Variants in TPTE2 observed in about 807,000 individuals in gnomAD.
The protein encoded by TPTE2 is phosphatidylinositol 3,4,5-trisphosphate 3-phosphatase TPTE2.
TPTE2 carries 53 observed loss-of-function variants against 78.6 expected under a neutral mutation model. That is an observed-to-expected ratio of 0.67 (90% CI 0.54 to 0.85). TPTE2 has a LOEUF of 0.85. Among genes scored for constraint, TPTE2 ranks in the 40% least tolerant of loss-of-function variants. The pLI is 0.00. For missense variants in TPTE2, 461 were observed against 623.0 expected, an observed-to-expected ratio of 0.74 and a Z score of 2.77; for synonymous variants, 175 against 206.2, an observed-to-expected ratio of 0.85 and a Z score of 1.30.
At chr13:19,493,206 A>G (rs898230084) in intron 2 of TPTE2, among the ~76,000 whole-genome samples, 2 of 151,764 alleles carry the variant, frequency 1.3e-5, no homozygotes, top group Non-Finnish European at 2.9e-5. Flanking sequence ...CTCTATGGCC[A>G]TGCAGGCTCC....
the TPTE2 span, among the ~76,000 whole-genome samples, chr13:19,543,382 A>T: frequency 1.3e-5 from 1 of 79,094 alleles, no homozygotes; most frequent in Admixed American, 1.6e-4. Context: ...CTTAAGAGAG[A>T]GAGTTTCACT....
At chr13:19,532,390 C>A (rs1870941563) in intron 1 of TPTE2, among the ~76,000 whole-genome samples, 1 of 152,086 alleles carries the variant, frequency 6.6e-6, no homozygotes, top group Admixed American at 6.5e-5. Context: ...GTTCATCCCT[C>A]TTTTTCTTCT....
At chr13:19,443,397 C>CTTTTTTTTTT (rs71092357) in intron 13 of TPTE2, among the ~76,000 whole-genome samples, 1 of 129,908 alleles carries the variant, frequency 7.7e-6, no homozygotes, top group African/African-American at 2.7e-5. Flanking sequence ...TTCTTTCTTT[C>CTTTTTTTTTT]TTTTTTTTTT....
chr13:19,518,603 G>A (rs1320292212), intron 1 of TPTE2, among the ~76,000 whole-genome samples: 1 of 152,180 alleles, frequency 6.6e-6, no homozygotes, highest in South Asian at 2.1e-4. Flanking sequence ...AAGATGGCAT[G>A]TTGACAAAGA....
intron 3 of TPTE2, among the ~76,000 whole-genome samples, chr13:19,489,321 C>T (rs759032490): frequency 3.9e-5 from 6 of 151,958 alleles, no homozygotes; most frequent in Non-Finnish European, 7.4e-5. Context: ...TGCAGGGTTG[C>T]TACAAACCTT....
At chr13:19,528,506 A>G (rs1203916915) in intron 1 of TPTE2, among the ~76,000 whole-genome samples, 1 of 152,002 alleles carries the variant, frequency 6.6e-6, no homozygotes, top group Non-Finnish European at 1.5e-5. Flanking sequence ...TTTTTATTTT[A>G]TTTATAAGAA....
chr13:19,485,638 C>T (rs1401598247), intron 3 of TPTE2, among the ~76,000 whole-genome samples: 1 of 152,120 alleles, frequency 6.6e-6, no homozygotes, highest in African/African-American at 2.4e-5. Flanking sequence ...ATTTTCTCTT[C>T]ACTTTTCCTT....
chr13:19,546,850 G>T, the TPTE2 span, among the ~76,000 whole-genome samples: 3 of 151,886 alleles, frequency 2.0e-5, no homozygotes, highest in African/African-American at 7.3e-5. Flanking sequence ...TGGAGAGGTT[G>T]TAAGATAATA....
At chr13:19,548,071 G>C in the TPTE2 span, among the ~76,000 whole-genome samples, 1 of 152,050 alleles carries the variant, frequency 6.6e-6, no homozygotes, top group Non-Finnish European at 1.5e-5. Flanking sequence ...AATCAAATAA[G>C]GTGACAGGTT....
At chr13:19,445,294 A>G (rs2137517080) in intron 13 of TPTE2, among the ~76,000 whole-genome samples, 1 of 152,328 alleles carries the variant, frequency 6.6e-6, no homozygotes, top group African/African-American at 2.4e-5. Flanking sequence ...GGTTAAGAAA[A>G]TAAAAAAGTT....
the TPTE2 span, among the ~76,000 whole-genome samples, chr13:19,555,741 C>T: frequency 1.3e-4 from 19 of 148,990 alleles, no homozygotes; most frequent in Non-Finnish European, 2.5e-4. Context: ...TCAAGAATCT[C>T]AAGAATCTTC....
intron 14 of TPTE2, 110 bp from the exon 18 acceptor site, chr13:19,436,416 T>A (rs1301236952): frequency 5.7e-6 from 6 of 1,059,596 alleles, no homozygotes; most frequent in Non-Finnish European, 6.7e-6. Flanking sequence ...TCAGTGATTT[T>A]GTTTGTTTGT....
chr13:19,528,935 A>G (rs1870693253), intron 1 of TPTE2, among the ~76,000 whole-genome samples: 1 of 152,068 alleles, frequency 6.6e-6, no homozygotes, highest in African/African-American at 2.4e-5. Flanking sequence ...GCCTGGAAAC[A>G]TGGCAAAACC....
intron 1 of TPTE2, among the ~76,000 whole-genome samples, chr13:19,529,573 T>A (rs1007283363): frequency 6.6e-6 from 1 of 152,118 alleles, no homozygotes; most frequent in African/African-American, 2.4e-5. Context: ...CATTTCAAAC[T>A]CCTTTCCCAT....
At chr13:19,561,135 C>A in the TPTE2 span, 1 of 1,604,056 alleles carries the variant, frequency 6.2e-7, no homozygotes, top group Admixed American at 1.7e-5. Context: ...TGGGTGGGAG[C>A]TGGACCAGGG....
chr13:19,533,058 GTGTTATA>G (rs1870982958), intron 1 of TPTE2, among the ~76,000 whole-genome samples: 1 of 152,148 alleles, frequency 6.6e-6, no homozygotes, highest in Non-Finnish European at 1.5e-5. Flanking sequence ...TAATGAATGA[GTGTTATA>G]TGTGAAAACA....
chr13:19,560,895 C>G, the TPTE2 span: 1 of 1,580,494 alleles, frequency 6.3e-7, no homozygotes, highest in Non-Finnish European at 8.6e-7. Flanking sequence ...TTGGTGATCT[C>G]ACACTCGTTG....
At chr13:19,461,965 ACT>A (rs1175381214) in intron 10 of TPTE2, among the ~76,000 whole-genome samples, 1 of 143,160 alleles carries the variant, frequency 7.0e-6, no homozygotes, top group East Asian at 2.0e-4. Flanking sequence ...TTGGCAGCCA[ACT>A]CTATATCTTT....
chr13:19,528,621 A>G (rs908741975), intron 1 of TPTE2, among the ~76,000 whole-genome samples: 2 of 152,248 alleles, frequency 1.3e-5, no homozygotes, highest in African/African-American at 4.8e-5. Flanking sequence ...GTAAGTAGGT[A>G]GAGCAGGAAT....
Sources: gnomAD v4.1 joint callset for allele counts (sites outside exome capture counted in the v4.1 genomes callset) on GRCh38, gnomAD v4.1.1 for gene constraint, MANE v1.5 for transcripts, NCBI Gene and HGNC (gene_info 2026-07-23, HGNC 2026-07-21) for gene names.